SCAP: variants seen among roughly 807,000 people sequenced by gnomAD.
The protein encoded by SCAP is sterol regulatory element-binding protein cleavage-activating protein.
In SCAP, 65 loss-of-function variants were observed where a neutral mutation model predicts 123.6. That is an observed-to-expected ratio of 0.53 (90% CI 0.43 to 0.65). SCAP has a LOEUF of 0.65. Among genes scored for constraint, SCAP ranks in the 30% least tolerant of loss-of-function variants. SCAP has a pLI of 0.00. For missense variants in SCAP, 1,398 were observed against 1,712.5 expected, an observed-to-expected ratio of 0.82 and a Z score of 3.24; for synonymous variants, 740 against 726.3, an observed-to-expected ratio of 1.02 and a Z score of -0.30.
intron 5 of SCAP, 37 bp downstream of exon 5, chr3:47,427,410 C>A (rs748528276): frequency 8.1e-6 from 13 of 1,603,004 alleles, no homozygotes; most frequent in Non-Finnish European, 1.1e-5. Flanking sequence ...CCAATGGGCA[C>A]CTTTACAGGT....
intron 2 of SCAP, among the ~76,000 whole-genome samples, chr3:47,438,827 A>C (rs1447140898): frequency 6.6e-6 from 1 of 152,010 alleles, no homozygotes; most frequent in East Asian, 1.9e-4. Context: ...TCAAAAAAAA[A>C]AAAAAAATTT....
intron 1 of SCAP, among the ~76,000 whole-genome samples, chr3:47,472,522 T>C (rs1440945374): frequency 1.3e-5 from 2 of 151,990 alleles, no homozygotes. Context: ...TTAGTTTTAT[T>C]TTTTTCCTGA....
rs1705875444 is a variant in SCAP, at chr3:47,421,039, G to C, written c.1246-10C>G. On this transcript the variant is annotated splice_polypyrimidine_tract_variant and intron_variant, in intron 10 of 22. Coordinates refer to ENST00000265565, the MANE Select transcript of SCAP (RefSeq NM_012235.4). ...CAAAGAGACAGAACTCCTGGAATCA[G>C]AGCACATGGGGATGGGGGGGTGCCG... The C allele has an allele frequency of 1.9e-6, 3 of 1,609,210 alleles. No individual in the cohort carries two copies. Among genetic ancestry groups the C allele is most frequent in the South Asian group, 2.2e-5 (2 of 90,996 alleles).
intron 1 of SCAP, among the ~76,000 whole-genome samples, chr3:47,456,320 T>C (rs931000034): frequency 2.0e-5 from 3 of 152,162 alleles, no homozygotes; most frequent in Admixed American, 1.3e-4. Context: ...GTGGATTACC[T>C]GAGCCTGGCA....
At chr3:47,427,367 G>C in intron 5 of SCAP, 80 bp downstream of exon 5, 1 of 1,558,770 alleles carries the variant, frequency 6.4e-7, no homozygotes, top group Non-Finnish European at 8.8e-7. Context: ...GGTAAACCCT[G>C]ATCTGCCTAA....
At chr3:47,455,156 T>G (rs1707373793) in intron 1 of SCAP, among the ~76,000 whole-genome samples, 1 of 149,856 alleles carries the variant, frequency 6.7e-6, no homozygotes, top group African/African-American at 2.4e-5. Flanking sequence ...AAAACTAATA[T>G]ATATCAATGC....
At chr3:47,469,510 AC>A (rs1346979695) in intron 1 of SCAP, among the ~76,000 whole-genome samples, 4 of 152,136 alleles carry the variant, frequency 2.6e-5, no homozygotes, top group Non-Finnish European at 5.9e-5. Flanking sequence ...GGTGCGTGCC[AC>A]CATGACCCTG....
chr3:47,462,985 C>T (rs1268618289), intron 1 of SCAP, among the ~76,000 whole-genome samples: 1 of 152,052 alleles, frequency 6.6e-6, no homozygotes, highest in Admixed American at 6.6e-5. Context: ...ATGTCTCTTA[C>T]ATACACACCT....
chr3:47,459,321 G>A (rs941825877), intron 1 of SCAP, among the ~76,000 whole-genome samples: 4 of 152,282 alleles, frequency 2.6e-5, no homozygotes, highest in South Asian at 2.1e-4. Context: ...TGCAAGAAGC[G>A]TGCTTTGCTG....
intron 1 of SCAP, among the ~76,000 whole-genome samples, chr3:47,470,183 G>GT (rs1423379679): frequency 2.0e-5 from 3 of 152,168 alleles, no homozygotes; most frequent in African/African-American, 7.2e-5. Context: ...AAGAGAACTT[G>GT]TTTTTTACCC....
chr3:47,439,622 C>T lies in SCAP; in HGVS notation c.122+3250G>A, dbSNP rs1258710893. Among the ~76,000 whole-genome samples the T allele has an allele frequency of 6.6e-6, 1 of 152,150 alleles. No individual in the cohort carries two copies. Among genetic ancestry groups the T allele is most frequent in the South Asian group, 2.1e-4 (1 of 4,828 alleles). ...CAGGGCAGGTTCAGATTAACAGTAC[C>T]CTCTGTCTTGCTGGGCTGCTGCTGG... is the stretch of plus-strand genomic sequence containing the variant. On this transcript the variant is annotated intron_variant, in intron 2 of 22. Transcript: ENST00000265565. The surrounding 1 kb of genome is among the most constrained non-coding windows in gnomAD (Gnocchi z 4.0).
At chr3:47,425,671 C>G in intron 7 of SCAP, 60 bp from the exon 8 acceptor site, 2 of 1,583,682 alleles carry the variant, frequency 1.3e-6, no homozygotes, top group South Asian at 1.1e-5. Flanking sequence ...CCCACTGGGG[C>G]TCCCGGGAGT....
intron 16 of SCAP, 91 bp downstream of exon 16, chr3:47,418,043 G>C: frequency 1.1e-6 from 1 of 929,038 alleles, no homozygotes; most frequent in South Asian, 1.4e-5. Flanking sequence ...GGGATACCTC[G>C]GAGGAAGAAA....
intron 2 of SCAP, 38 bp downstream of exon 2, chr3:47,442,834 C>T: frequency 6.3e-7 from 1 of 1,590,082 alleles, no homozygotes; most frequent in Non-Finnish European, 8.6e-7. Flanking sequence ...TGTCCTAAGA[C>T]ACTGGCCCAC....
chr3:47,445,243 C>CTTTTTTTTTTTT (rs970206797), intron 1 of SCAP, among the ~76,000 whole-genome samples: 1 of 111,872 alleles, frequency 8.9e-6, no homozygotes, highest in Non-Finnish European at 1.9e-5. Context: ...GTTTTCAATT[C>CTTTTTTTTTTTT]TTTTTTTTTT....
At chr3:47,468,221 T>C (rs1417941187) in intron 1 of SCAP, among the ~76,000 whole-genome samples, 4 of 152,192 alleles carry the variant, frequency 2.6e-5, no homozygotes, top group Admixed American at 6.5e-5. Context: ...TTATAATCCT[T>C]TGGGTATATG....
chr3:47,423,281 G>GC (rs1235996804), intron 9 of SCAP, among the ~76,000 whole-genome samples: 2 of 152,242 alleles, frequency 1.3e-5, no homozygotes, highest in Admixed American at 1.3e-4. Context: ...TACCAGCAGG[G>GC]CCAGAGGGAG....
chr3:47,417,365 A>C lies in SCAP; in HGVS notation c.2909T>G (p.Ile970Ser). 1 of 1,609,392 alleles carries C rather than the reference A, an allele frequency of 6.2e-7. No homozygotes were observed. The highest frequency in any genetic ancestry group is 8.5e-7 in the Non-Finnish European group (1 of 1,178,696). Reference protein sequence around the residue: ...LAWAPSAEGSIWSLELQGNLI... With the variant: ...LAWAPSAEGSSWSLELQGNLI... Reference sequence around the variant, plus strand: ...GTTGCCCTGCAGCTCCAAGCTCCAGATGGAACCCTCGGCACTGGGGGCCCA... The same window carrying C: ...GTTGCCCTGCAGCTCCAAGCTCCAGCTGGAACCCTCGGCACTGGGGGCCCA... The change falls in exon 17 of 23, where the codon ATC becomes AGC. Residue 970 changes from isoleucine (I) to serine (S), a missense_variant. Coordinates refer to ENST00000265565, the MANE Select transcript of SCAP (RefSeq NM_012235.4).
Position 47,443,699 on chromosome 3 carries a change from T to G in SCAP, c.-98-608A>C, listed in dbSNP as rs145760364. Among the ~76,000 whole-genome samples, 13 of 152,316 alleles carry G rather than the reference T, an allele frequency of 8.5e-5. No homozygotes were observed. In the East Asian group the frequency reaches 2.5e-3, roughly 29 times the overall value. Reference sequence around the variant, plus strand: ...AACTCTCTGCTCTTGGTCCTATAGTTGTTCCTGGGAGTGCAAAGGCAGAGA... The same window carrying G: ...AACTCTCTGCTCTTGGTCCTATAGTGGTTCCTGGGAGTGCAAAGGCAGAGA... On this transcript the variant is annotated intron_variant, in intron 1 of 22. Transcript: ENST00000265565.
Sources: gnomAD v4.1 joint callset for allele counts (sites outside exome capture counted in the v4.1 genomes callset) on GRCh38, gnomAD v4.1.1 for gene constraint, Gnocchi (gnomAD v3.1) non-coding constraint, MANE v1.5 for transcripts, NCBI Gene and HGNC (gene_info 2026-07-23, HGNC 2026-07-21) for gene names.